The following IRAG2 variants were observed in gnomAD, a reference collection of about 807,000 sequenced individuals.
The protein encoded by IRAG2 is lymphoid restricted membrane protein.
In IRAG2, 45 loss-of-function variants were observed where a neutral mutation model predicts 69.9. The observed-to-expected ratio is 0.64, with a 90% CI of 0.51 to 0.83. IRAG2 has a LOEUF of 0.83. Among genes scored for constraint, IRAG2 ranks in the 40% least tolerant of loss-of-function variants. The probability of loss-of-function intolerance (pLI) is 0.00; values close to 1 mark genes in which losing one functional copy is unlikely to be tolerated. For synonymous variants in IRAG2, 193 were observed against 202.4 expected (o/e 0.95, Z 0.40); for missense variants, 520 against 587.0 (o/e 0.89, Z 1.18).
At chr12:25,083,390 C>T (rs1565570819) in intron 9 of IRAG2, 33 bp from the exon 10 acceptor site, 6 of 1,464,414 alleles carry the variant, frequency 4.1e-6, no homozygotes, top group South Asian at 1.1e-5. Context: ...TCCTGCCCCC[C>T]TAACTGCTTT....
intron 16 of IRAG2, among the ~76,000 whole-genome samples, chr12:25,043,628 GCAT>G (rs765262314): frequency 6.6e-6 from 1 of 151,846 alleles, no homozygotes; most frequent in Non-Finnish European, 1.5e-5. Context: ...ACTATGAGAT[GCAT>G]CATGCTCTAG....
At chr12:25,073,315 T>C (rs1946452662) in intron 6 of IRAG2, among the ~76,000 whole-genome samples, 1 of 152,232 alleles carries the variant, frequency 6.6e-6, no homozygotes, top group Non-Finnish European at 1.5e-5. Context: ...AATGCGCATG[T>C]AGCACCCTGC....
intron 15 of IRAG2, among the ~76,000 whole-genome samples, chr12:25,037,112 T>TAG (rs1944708351): frequency 6.6e-6 from 1 of 152,154 alleles, no homozygotes; most frequent in Non-Finnish European, 1.5e-5. Context: ...AGGAACTTCT[T>TAG]AGGTAGCTAT....
chr12:25,085,262 A>T (rs754859933), intron 10 of IRAG2, among the ~76,000 whole-genome samples: 1 of 152,214 alleles, frequency 6.6e-6, no homozygotes, highest in Non-Finnish European at 1.5e-5. Flanking sequence ...TGGAAGGATG[A>T]GTGCAAGGTT....
intron 20 of IRAG2, 45 bp from the exon 21 acceptor site, chr12:25,106,898 A>G (rs1264615860): frequency 2.3e-6 from 2 of 878,042 alleles, no homozygotes; most frequent in Admixed American, 2.4e-5. Context: ...TAATTATAGC[A>G]TATTATCCTT....
At chr12:25,056,626 G>A (rs1945274741) in intron 1 of IRAG2, among the ~76,000 whole-genome samples, 1 of 152,142 alleles carries the variant, frequency 6.6e-6, no homozygotes, top group South Asian at 2.1e-4. Context: ...GGCCACAGTT[G>A]ATATTTGTGT....
intron 9 of IRAG2, chr12:25,026,936 T>A: frequency 7.2e-6 from 5 of 689,976 alleles, no homozygotes; most frequent in Non-Finnish European, 1.0e-5. Flanking sequence ...TGAAAATGTC[T>A]ATGCCTCATT....
At chr12:25,045,702 C>G (rs145959299) in intron 16 of IRAG2, among the ~76,000 whole-genome samples, 1 of 151,984 alleles carries the variant, frequency 6.6e-6, no homozygotes, top group African/African-American at 2.4e-5. Context: ...CTGAAAAGAT[C>G]TACAACCAGT....
intron 10 of IRAG2, among the ~76,000 whole-genome samples, chr12:25,087,808 C>T (rs1319393728): frequency 5.3e-5 from 8 of 152,224 alleles, no homozygotes; most frequent in East Asian, 1.9e-4. Context: ...TAGATTCCCA[C>T]GAACCCTATT....
intron 15 of IRAG2, chr12:25,097,294 TTATAA>T (rs1434180764): frequency 2.8e-5 from 10 of 358,144 alleles, no homozygotes; most frequent in East Asian, 1.1e-4. Flanking sequence ...ATGTATAGTG[TTATAA>T]TATAGTGTTT....
At chr12:25,032,818 G>A (rs1201202787) in intron 12 of IRAG2, among the ~76,000 whole-genome samples, 1 of 152,146 alleles carries the variant, frequency 6.6e-6, no homozygotes, top group African/African-American at 2.4e-5. Context: ...CCTTCCAAGT[G>A]TTCCATTTCC....
chr12:25,089,576 C>T lies in IRAG2; in HGVS notation c.374-38C>T, dbSNP rs200693091. ...ATCAAATGTGCTTTTACAGGTCAAG[C>T]CTTTTTAACCAAATAATATTTTATT... On this transcript the variant is annotated intron_variant, in intron 11 of 21. Coordinates refer to ENST00000556887, the MANE Select transcript of IRAG2 (RefSeq NM_001366544.2). The T allele has an allele frequency of 5.5e-5, 72 of 1,311,888 alleles. No individual in the cohort carries two copies. The Middle Eastern group carries it at 7.9e-4, about 14-fold the overall frequency. 81.3% of individuals were successfully genotyped at this position (1,311,888 alleles called of 1,614,324 possible). A position where few individuals can be genotyped will look rare whatever the true frequency, so the allele number is the denominator to read the frequency against.
chr12:25,102,493 G>A, intron 17 of IRAG2: 1 of 460,156 alleles, frequency 2.2e-6, no homozygotes, highest in Non-Finnish European at 3.9e-6. Flanking sequence ...GTTGGAAGTG[G>A]GTAACCCGAC....
chr12:25,065,671 G>T (rs576092191), intron 4 of IRAG2, among the ~76,000 whole-genome samples: 2 of 152,306 alleles, frequency 1.3e-5, no homozygotes, highest in African/African-American at 4.8e-5. Flanking sequence ...GGGTGCAGCC[G>T]TGTTCCAGTA....
At position 25,075,358 on chromosome 12, in the gene IRAG2, A is replaced by C. The variant is rs562002031; in HGVS notation, c.25-3886A>C. On this transcript the variant is annotated intron_variant, in intron 6 of 21. Transcript: ENST00000556887. ...TACATTGGAACCATAAATATTTATT[A>C]GTAGAAGGTTTCTGATCACAAAATC... Among the ~76,000 whole-genome samples, 3 of 152,336 alleles carry C rather than the reference A, an allele frequency of 2.0e-5. No homozygotes were observed. The South Asian group carries it at 6.2e-4, about 32-fold the overall frequency.
At chr12:25,050,537 AAACAAACAAACAAAC>A (rs1565535065), upstream of IRAG2, among the ~76,000 whole-genome samples, 3 of 14,456 alleles carry the variant, frequency 2.1e-4, 1 homozygote, top group Non-Finnish European at 9.5e-4. Context: ...CAAAAAAAAC[AAACAAACAAACAAAC>A]AAAAAAAAAC....
chr12:25,052,454 A>T, upstream of IRAG2: 1 of 397,346 alleles, frequency 2.5e-6, no homozygotes, highest in Non-Finnish European at 4.4e-6. Flanking sequence ...AACAAAAAAA[A>T]AAAGCAAAGA....
intron 14 of IRAG2, among the ~76,000 whole-genome samples, chr12:25,036,127 C>G (rs1368373798): frequency 6.6e-6 from 1 of 152,094 alleles, no homozygotes; most frequent in African/African-American, 2.4e-5. Flanking sequence ...ATTCCTTTCT[C>G]CATTTTGACT....
At chr12:25,005,416 A>T (rs1159179615) in intron 2 of IRAG2, 1 of 659,358 alleles carries the variant, frequency 1.5e-6, no homozygotes, top group African/African-American at 1.9e-5. Flanking sequence ...TGAACTTTCT[A>T]TTGTGAGAGA....
Sources: allele counts gnomAD v4.1 joint callset (sites outside exome capture counted in the v4.1 genomes callset), GRCh38; gene constraint gnomAD v4.1.1; transcripts MANE v1.5; gene names NCBI Gene and HGNC (gene_info 2026-07-23, HGNC 2026-07-21).